The following RAD51B variants were observed in gnomAD, a reference collection of about 807,000 sequenced individuals.
The protein encoded by RAD51B is RAD51 paralog B.
A neutral mutation model predicts 42.2 loss-of-function variants in RAD51B; 38 were observed. That is an observed-to-expected ratio of 0.90 (90% CI 0.70 to 1.18). The LOEUF (loss-of-function observed/expected upper bound fraction) is 1.18. RAD51B is among the 50% of genes most tolerant of loss of function. The pLI is 0.00. For synonymous variants in RAD51B, 154 were observed against 145.2 expected (o/e 1.06, Z -0.43); for missense variants, 373 against 400.7 (o/e 0.93, Z 0.59).
intron 10 of RAD51B, among the ~76,000 whole-genome samples, chr14:68,620,281 G>A (rs952156651): frequency 6.6e-6 from 1 of 152,196 alleles, no homozygotes; most frequent in African/African-American, 2.4e-5. Flanking sequence ...AGATTCCCAA[G>A]TGAGTCAGCA....
intron 10 of RAD51B, among the ~76,000 whole-genome samples, chr14:68,593,617 G>A (rs1443252567): frequency 2.6e-5 from 4 of 152,194 alleles, no homozygotes; most frequent in African/African-American, 9.7e-5. Flanking sequence ...GTCTCCAGAG[G>A]CCAAGATGCA....
In RAD51B at chr14:68,383,914, C is replaced by A. The variant is rs553158667; in HGVS notation, c.854-27510C>A. Among the ~76,000 whole-genome samples the A allele has an allele frequency of 4.6e-5, 7 of 152,336 alleles. No homozygotes were observed. In the East Asian group the frequency reaches 9.6e-4, roughly 21 times the overall value. On this transcript the variant is annotated intron_variant, in intron 8 of 10. Transcript: ENST00000471583. ...TTTGATTACAGCCTGTTTTACTGTA[C>A]TACTATGTGTCAATCCCAAGGACCT...
At chr14:68,470,934 A>G (rs1032565080) in intron 10 of RAD51B, among the ~76,000 whole-genome samples, 1 of 152,204 alleles carries the variant, frequency 6.6e-6, no homozygotes, top group Non-Finnish European at 1.5e-5. Context: ...GCAACATCAA[A>G]GCTAATTTTT....
chr14:68,654,699 C>T (rs1892773451), intron 11 of RAD51B, among the ~76,000 whole-genome samples: 1 of 152,156 alleles, frequency 6.6e-6, no homozygotes, highest in South Asian at 2.1e-4. Context: ...GGAAGGCCCC[C>T]AACTCTACCG....
intron 8 of RAD51B, among the ~76,000 whole-genome samples, chr14:68,410,565 A>G (rs1048269799): frequency 1.3e-5 from 2 of 151,786 alleles, no homozygotes; most frequent in African/African-American, 4.8e-5. Flanking sequence ...CCTTGGGCAC[A>G]GGGCACAGGG....
chr14:68,439,469 C>T (rs79467163), intron 9 of RAD51B, among the ~76,000 whole-genome samples: 2 of 149,516 alleles, frequency 1.3e-5, no homozygotes, highest in East Asian at 2.0e-4. Flanking sequence ...CTTGAACTAC[C>T]AGGATATGTC....
chr14:68,415,038 A>C (rs2140092552), intron 9 of RAD51B, among the ~76,000 whole-genome samples: 2 of 145,256 alleles, frequency 1.4e-5, no homozygotes, highest in Middle Eastern at 6.9e-3. Context: ...TCTCAAAAAA[A>C]AAAAAAAAAA....
intron 10 of RAD51B, among the ~76,000 whole-genome samples, chr14:68,627,652 C>T (rs1409106337): frequency 6.6e-6 from 1 of 152,200 alleles, no homozygotes; most frequent in Non-Finnish European, 1.5e-5. Context: ...TGCCAGTCCC[C>T]ATTACCTATG....
chr14:68,290,796 TTTTA>T (rs74938557), intron 7 of RAD51B, among the ~76,000 whole-genome samples: 98,945 of 149,326 alleles, frequency 0.66, 33,641 homozygotes, highest in East Asian at 0.98. Context: ...ATTTATTTAT[TTTTA>T]TTTATTTATT....
chr14:68,592,259 G>GTC (rs1026594967), intron 10 of RAD51B, among the ~76,000 whole-genome samples: 16 of 148,130 alleles, frequency 1.1e-4, no homozygotes, highest in African/African-American at 3.8e-4. Context: ...AATGATGTGT[G>GTC]TGTGTGTGTG....
intron 7 of RAD51B, among the ~76,000 whole-genome samples, chr14:68,180,236 C>T (rs764257587): frequency 2.0e-5 from 3 of 152,126 alleles, no homozygotes; most frequent in Non-Finnish European, 4.4e-5. Flanking sequence ...TGATGGAGCA[C>T]AGATGGTTTG....
intron 7 of RAD51B, among the ~76,000 whole-genome samples, chr14:67,988,501 A>G (rs1231137165): frequency 6.6e-6 from 1 of 152,176 alleles, no homozygotes; most frequent in Non-Finnish European, 1.5e-5. Context: ...ATAATAAAAA[A>G]GAAATGAAAA....
At chr14:68,179,085 C>G (rs909826078) in intron 7 of RAD51B, among the ~76,000 whole-genome samples, 7 of 151,998 alleles carry the variant, frequency 4.6e-5, no homozygotes, top group Middle Eastern at 3.4e-3. Flanking sequence ...CTGCAGAGTA[C>G]TCTAAAACCC....
intron 9 of RAD51B, among the ~76,000 whole-genome samples, chr14:68,439,262 C>G (rs866026777): frequency 6.6e-6 from 1 of 152,022 alleles, no homozygotes; most frequent in South Asian, 2.1e-4. Context: ...CTCCACGATC[C>G]CTTTGCTGTC....
chr14:67,961,144 CCA>C (rs1433221828), intron 7 of RAD51B, among the ~76,000 whole-genome samples: 1 of 151,798 alleles, frequency 6.6e-6, no homozygotes, highest in Non-Finnish European at 1.5e-5. Flanking sequence ...GTAGCTGGGG[CCA>C]CAGGTGTGCG....
Position 67,835,136 on chromosome 14 carries a change from T to C in RAD51B, c.255T>C (p.Thr85=), listed in dbSNP as rs201735792. The stretch of plus-strand genomic sequence containing the variant: ...ATTTCTCACCAGCATTCTTATCTAC[T>C]ACCCTTTCTGCTTTGGACGAAGCCC... ...SADFSPAFLS[T]TLSALDEALH... is the part of the protein sequence containing the mutation. Residue 85 remains threonine, a synonymous_variant, in exon 4 of 11, where the codon ACT becomes ACC. Coordinates refer to ENST00000471583, the MANE Select transcript of RAD51B (RefSeq NM_133510.4). 1 of 1,613,954 alleles carries C rather than the reference T, an allele frequency of 6.2e-7. No individual in the cohort carries two copies. The highest frequency in any genetic ancestry group is 1.7e-5 in the Admixed American group (1 of 59,992).
At chr14:68,086,200 T>G (rs1177603139) in intron 7 of RAD51B, among the ~76,000 whole-genome samples, 1 of 151,906 alleles carries the variant, frequency 6.6e-6, no homozygotes, top group Non-Finnish European at 1.5e-5. Context: ...TCCCCTGGAG[T>G]TGGGCCGCCC....
At chr14:68,133,844 A>G (rs1335867528) in intron 7 of RAD51B, among the ~76,000 whole-genome samples, 1 of 152,010 alleles carries the variant, frequency 6.6e-6, no homozygotes, top group Admixed American at 6.6e-5. Context: ...TTATATATTC[A>G]TAGCAAGGTA....
intron 10 of RAD51B, among the ~76,000 whole-genome samples, chr14:68,555,995 C>G (rs1265060105): frequency 6.6e-6 from 1 of 152,248 alleles, no homozygotes; most frequent in Admixed American, 6.5e-5. Context: ...ATGTGCTGAG[C>G]ACAAAACATT....
Sources: allele counts gnomAD v4.1 joint callset (sites outside exome capture counted in the v4.1 genomes callset), GRCh38; gene constraint gnomAD v4.1.1; transcripts MANE v1.5; gene names NCBI Gene and HGNC (gene_info 2026-07-23, HGNC 2026-07-21).